DNAJC11: variants seen among roughly 807,000 people sequenced by gnomAD.
The protein encoded by DNAJC11 is DnaJ heat shock protein family (Hsp40) member C11.
A neutral mutation model predicts 78.6 loss-of-function variants in DNAJC11; 15 were observed. That is an observed-to-expected ratio of 0.19 (90% CI 0.13 to 0.29). DNAJC11 has a LOEUF of 0.29. Ranked by LOEUF, DNAJC11 falls within the 10% of genes least tolerant of loss-of-function variation. The pLI is 1.00. For missense variants in DNAJC11, 547 were observed against 709.6 expected (o/e 0.77, Z 2.60); for synonymous variants, 292 against 272.1 (o/e 1.07, Z -0.72).
At chr1:6,689,082 G>C (rs947266389) in intron 1 of DNAJC11, among the ~76,000 whole-genome samples, 5 of 152,160 alleles carry the variant, frequency 3.3e-5, no homozygotes, top group African/African-American at 7.2e-5. Context: ...GTTTGACCCT[G>C]ACCCAAGAAA....
intron 1 of DNAJC11, among the ~76,000 whole-genome samples, chr1:6,696,374 G>A (rs3827729): frequency 0.27 from 41,418 of 152,118 alleles, 6,271 homozygotes; most frequent in South Asian, 0.46. Context: ...CCTTTTACAT[G>A]TCAATTTCTG....
chr1:6,653,052 GA>G lies in DNAJC11; in HGVS notation c.508-102del. 1 of 1,408,174 alleles carries G rather than the reference GA, an allele frequency of 7.1e-7. No homozygotes were observed. The highest frequency in any genetic ancestry group is 9.9e-7 in the Non-Finnish European group (1 of 1,012,728). 87.2% of individuals were successfully genotyped at this position (1,408,174 alleles called of 1,614,324 possible). On this transcript the variant is annotated intron_variant, in intron 5 of 15. Coordinates refer to ENST00000377577, the MANE Select transcript of DNAJC11 (RefSeq NM_018198.4). This position sits in a 1 kb window ranked among gnomAD's most constrained non-coding sequence, Gnocchi z 4.5. ...CTGTGAGCCCAAGGCCAAAGGTGCA[GA>G]CGATTCCTCTGTTCAGAAGCACACA...
intron 2 of DNAJC11, among the ~76,000 whole-genome samples, chr1:6,679,320 T>C (rs1403981901): frequency 2.6e-5 from 4 of 152,194 alleles, no homozygotes; most frequent in African/African-American, 7.2e-5. Context: ...GTAAATAATT[T>C]TAAAAGACAA....
intron 15 of DNAJC11, 133 bp from the exon 16 acceptor site, chr1:6,635,833 A>C: frequency 8.8e-7 from 1 of 1,142,054 alleles, no homozygotes; most frequent in Non-Finnish European, 1.3e-6. Flanking sequence ...CGCTGCTGAA[A>C]ATCAACTGCT....
At position 6,680,844 on chromosome 1, in the gene DNAJC11, G is replaced by C; in HGVS notation, c.202+64C>G. On this transcript the variant is annotated intron_variant, in intron 2 of 15. Coordinates refer to ENST00000377577, the MANE Select transcript of DNAJC11 (RefSeq NM_018198.4). The surrounding 1 kb of genome is among the most constrained non-coding windows in gnomAD (Gnocchi z 4.0). ...TCTCTTTTTCTATCCTCTACAAATCGCACCTCCTAAAAATCGAATATCTGT... is the reference window on the plus strand; with the variant it reads ...TCTCTTTTTCTATCCTCTACAAATCCCACCTCCTAAAAATCGAATATCTGT... 1 of 1,582,400 alleles carries C rather than the reference G, an allele frequency of 6.3e-7. No individual in the cohort carries two copies. The highest frequency in any genetic ancestry group is 1.7e-5 in the Admixed American group (1 of 57,694).
intron 3 of DNAJC11, among the ~76,000 whole-genome samples, chr1:6,676,647 T>C (rs1642466516): frequency 6.6e-6 from 1 of 152,000 alleles, no homozygotes; most frequent in South Asian, 2.1e-4. Context: ...ACCAACACAC[T>C]GCAGCCTGGG....
At chr1:6,640,548 T>G (rs572074991) in intron 10 of DNAJC11, among the ~76,000 whole-genome samples, 2 of 152,294 alleles carry the variant, frequency 1.3e-5, no homozygotes, top group Admixed American at 6.5e-5. Context: ...TATAAAAAAT[T>G]TGGCCAGGCG....
At chr1:6,695,627 TAAAAAAAAAA>T (rs70984004) in intron 1 of DNAJC11, among the ~76,000 whole-genome samples, 6 of 83,010 alleles carry the variant, frequency 7.2e-5, no homozygotes, top group South Asian at 5.0e-4. Context: ...CTATCTCTAC[TAAAAAAAAAA>T]AAAAAAAAAA....
intron 1 of DNAJC11, among the ~76,000 whole-genome samples, chr1:6,694,176 C>T (rs534186528): frequency 1.3e-5 from 2 of 152,086 alleles, no homozygotes; most frequent in African/African-American, 4.8e-5. Context: ...TTTCTCCTCT[C>T]CCCCTTTCCC....
intron 4 of DNAJC11, among the ~76,000 whole-genome samples, chr1:6,654,982 A>G (rs1642106327): frequency 6.6e-6 from 1 of 152,148 alleles, no homozygotes; most frequent in Non-Finnish European, 1.5e-5. Context: ...TATTTTTAGT[A>G]GAGACAGGGT....
intron 11 of DNAJC11, 118 bp from the exon 12 acceptor site, chr1:6,638,482 C>A: frequency 1.2e-6 from 1 of 869,336 alleles, no homozygotes; most frequent in Non-Finnish European, 1.7e-6. Flanking sequence ...TACTGGAGTT[C>A]AGTTGTAGAA....
intron 6 of DNAJC11, among the ~76,000 whole-genome samples, chr1:6,651,881 C>T (rs200441): frequency 0.52 from 79,422 of 151,960 alleles, 21,198 homozygotes; most frequent in Admixed American, 0.62. Context: ...TCCTTGCCTC[C>T]CAGGCTGAGG....
chr1:6,662,620 G>A (rs181408028), intron 4 of DNAJC11, among the ~76,000 whole-genome samples: 2 of 152,114 alleles, frequency 1.3e-5, no homozygotes, highest in East Asian at 1.9e-4. Context: ...CTGTAAAAAC[G>A]CACCAATCAG....
At chr1:6,673,216 A>G (rs1356543135) in intron 3 of DNAJC11, among the ~76,000 whole-genome samples, 2 of 150,684 alleles carry the variant, frequency 1.3e-5, no homozygotes, top group African/African-American at 4.9e-5. Context: ...AAAAAAAAAA[A>G]AAAGGAAAAG....
intron 4 of DNAJC11, among the ~76,000 whole-genome samples, chr1:6,655,049 G>A (rs1278418926): frequency 1.3e-5 from 2 of 152,078 alleles, no homozygotes; most frequent in Admixed American, 6.6e-5. Context: ...CACTCGCCTC[G>A]GCCTCCCAAA....
At chr1:6,643,717 G>A (rs1008077524) in intron 10 of DNAJC11, among the ~76,000 whole-genome samples, 3 of 152,272 alleles carry the variant, frequency 2.0e-5, no homozygotes, top group South Asian at 2.1e-4. Flanking sequence ...GTGCCCGGGG[G>A]ATAGCTGCCA....
intron 1 of DNAJC11, among the ~76,000 whole-genome samples, chr1:6,685,587 C>T (rs917584005): frequency 1.3e-5 from 2 of 152,182 alleles, no homozygotes; most frequent in South Asian, 4.1e-4. Flanking sequence ...CTGCCCCAGC[C>T]AATCAGGACT....
chr1:6,649,991 C>T (rs567359915), intron 7 of DNAJC11, among the ~76,000 whole-genome samples: 2 of 152,042 alleles, frequency 1.3e-5, no homozygotes, highest in African/African-American at 4.8e-5. Context: ...GAAAGTTATT[C>T]ATGCCACTGT....
chr1:6,696,439 G>A (rs1399837063), intron 1 of DNAJC11, among the ~76,000 whole-genome samples: 1 of 152,072 alleles, frequency 6.6e-6, no homozygotes, highest in African/African-American at 2.4e-5. Flanking sequence ...CTTCTTTGTG[G>A]GTGACTTTGA....
Sources: gnomAD v4.1 joint callset for allele counts (sites outside exome capture counted in the v4.1 genomes callset) on GRCh38, gnomAD v4.1.1 for gene constraint, Gnocchi (gnomAD v3.1) non-coding constraint, MANE v1.5 for transcripts, NCBI Gene and HGNC (gene_info 2026-07-23, HGNC 2026-07-21) for gene names.